QTMAN: variants seen among roughly 807,000 people sequenced by gnomAD.
QTMAN encodes tRNA-queuosine alpha-mannosyltransferase.
At chr2:144,242,893 C>T in the QTMAN span, among the ~76,000 whole-genome samples, 34 of 142,066 alleles carry the variant, frequency 2.4e-4, no homozygotes, top group African/African-American at 9.2e-4. Flanking sequence ...ACGCAGGTGG[C>T]AGAGGTTGCA....
At chr2:144,273,580 G>A in the QTMAN span, among the ~76,000 whole-genome samples, 1 of 152,158 alleles carries the variant, frequency 6.6e-6, no homozygotes, top group Admixed American at 6.5e-5. Context: ...GTTTGGAGGA[G>A]TACTCTAAGG....
chr2:143,951,984 T>A, the QTMAN span: 3 of 1,488,510 alleles, frequency 2.0e-6, no homozygotes, highest in Non-Finnish European at 2.8e-6. Context: ...ATAACTACCT[T>A]ATAGAGATGT....
At chr2:144,131,238 T>C in the QTMAN span, among the ~76,000 whole-genome samples, 2 of 151,824 alleles carry the variant, frequency 1.3e-5, no homozygotes, top group Non-Finnish European at 2.9e-5. Context: ...GAATTCACCA[T>C]CTTTATATCA....
the QTMAN span, among the ~76,000 whole-genome samples, chr2:144,231,843 GGTGTGTGTGTGTGT>G: frequency 0.01 from 1,433 of 138,444 alleles, 15 homozygotes; most frequent in African/African-American, 0.033. Context: ...GAATGAAAGA[GGTGTGTGTGTGTGT>G]GTGTGTGTGT....
chr2:144,036,224 A>G, the QTMAN span, among the ~76,000 whole-genome samples: 1 of 152,194 alleles, frequency 6.6e-6, no homozygotes. Flanking sequence ...TGCCTCCATT[A>G]TTTAAGCTTG....
chr2:144,109,750 C>T, the QTMAN span, among the ~76,000 whole-genome samples: 24 of 151,938 alleles, frequency 1.6e-4, no homozygotes, highest in African/African-American at 4.6e-4. Flanking sequence ...AGACACTTCT[C>T]AAAAGAAGAC....
the QTMAN span, among the ~76,000 whole-genome samples, chr2:144,287,895 G>A: frequency 5.3e-5 from 8 of 151,588 alleles, no homozygotes; most frequent in South Asian, 2.1e-4. Flanking sequence ...TCGCTCTGTC[G>A]CCAGGCTGGA....
the QTMAN span, among the ~76,000 whole-genome samples, chr2:144,150,131 A>G: frequency 1.3e-5 from 2 of 152,040 alleles, no homozygotes. Flanking sequence ...TAGTGTATAC[A>G]ATTTAACACA....
At chr2:144,082,246 T>C in the QTMAN span, among the ~76,000 whole-genome samples, 1 of 152,156 alleles carries the variant, frequency 6.6e-6, no homozygotes. Flanking sequence ...TGATATTATA[T>C]TTCTTTATGG....
the QTMAN span, among the ~76,000 whole-genome samples, chr2:144,162,073 G>T: frequency 6.6e-6 from 1 of 152,154 alleles, no homozygotes; most frequent in African/African-American, 2.4e-5. Flanking sequence ...CTGTAAAAAG[G>T]ATCTGAATAG....
the QTMAN span, chr2:144,332,550 T>G: frequency 6.8e-6 from 1 of 147,882 alleles, no homozygotes; most frequent in Non-Finnish European, 1.5e-5. Context: ...CCGCCGCCCC[T>G]CCCGGCCCGC....
chr2:144,327,059 C>A, the QTMAN span, among the ~76,000 whole-genome samples: 1 of 152,150 alleles, frequency 6.6e-6, no homozygotes, highest in Non-Finnish European at 1.5e-5. Flanking sequence ...GACAGACACG[C>A]CCTGCCCCCA....
At chr2:144,128,748 T>C in the QTMAN span, among the ~76,000 whole-genome samples, 2 of 152,026 alleles carry the variant, frequency 1.3e-5, no homozygotes, top group African/African-American at 4.8e-5. Context: ...ATAGATACCC[T>C]TCCAGTTCTG....
chr2:144,015,962 C>T, the QTMAN span, among the ~76,000 whole-genome samples: 5 of 152,156 alleles, frequency 3.3e-5, no homozygotes, highest in South Asian at 2.1e-4. Context: ...ATGTGTCGGG[C>T]GTGACGTGTA....
chr2:143,956,249 A>AT, the QTMAN span, among the ~76,000 whole-genome samples: 2 of 152,158 alleles, frequency 1.3e-5, no homozygotes, highest in Non-Finnish European at 2.9e-5. Context: ...GATTCTAACA[A>AT]TTTTTGGTGA....
the QTMAN span, among the ~76,000 whole-genome samples, chr2:144,232,067 C>T: frequency 6.6e-6 from 1 of 152,004 alleles, no homozygotes; most frequent in East Asian, 1.9e-4. Context: ...ACTTAACAGG[C>T]ATCCCACCCA....
At chr2:144,177,777 A>G in the QTMAN span, among the ~76,000 whole-genome samples, 1 of 152,204 alleles carries the variant, frequency 6.6e-6, no homozygotes, top group African/African-American at 2.4e-5. Context: ...TGTGAACAAT[A>G]TATGCAATTT....
the QTMAN span, among the ~76,000 whole-genome samples, chr2:144,101,117 C>T: frequency 3.9e-5 from 6 of 152,100 alleles, no homozygotes; most frequent in South Asian, 6.2e-4. Flanking sequence ...ATCCGCCCGC[C>T]TTGGCCTCCC....
the QTMAN span, among the ~76,000 whole-genome samples, chr2:144,287,105 A>C: frequency 3.0e-4 from 45 of 152,340 alleles, 1 homozygote; most frequent in South Asian, 9.3e-3. Flanking sequence ...CCAATGTCAT[A>C]TTAAAAGTTA....
Sources: allele counts gnomAD v4.1 joint callset (sites outside exome capture counted in the v4.1 genomes callset), GRCh38; gene constraint gnomAD v4.1.1; transcripts MANE v1.5; gene names NCBI Gene and HGNC (gene_info 2026-07-23, HGNC 2026-07-21).